FGF18: variants seen among roughly 807,000 people sequenced by gnomAD.
The protein encoded by FGF18 is fibroblast growth factor 18.
In FGF18, 5 loss-of-function variants were observed where a neutral mutation model predicts 23.0. That is an observed-to-expected ratio of 0.22 (90% CI 0.11 to 0.46). The LOEUF (loss-of-function observed/expected upper bound fraction) is 0.46, where lower values mean the gene tolerates loss of function less well. Ranked by LOEUF, FGF18 falls within the 20% of genes least tolerant of loss-of-function variation. FGF18 has a pLI of 0.99. For synonymous variants in FGF18, 117 were observed against 118.9 expected (o/e 0.98, Z 0.10); for missense variants, 180 against 291.6 (o/e 0.62, Z 2.79).
Position 171,434,101 on chromosome 5 carries a change from C to A in FGF18, c.70-1992C>A, listed in dbSNP as rs1056332400. On this transcript the variant is annotated intron_variant, in intron 2 of 4. Transcript: ENST00000274625. The surrounding 1 kb of genome is among the most constrained non-coding windows in gnomAD (Gnocchi z 4.6). ...TTTTGAACCCAGGGCCAGCTCCTGA[C>A]AGCACTGGTGGGGCAGGCAGGGCCC... Among the ~76,000 whole-genome samples the A allele has an allele frequency of 6.6e-6, 1 of 152,214 alleles. No individual in the cohort carries two copies. Among genetic ancestry groups the A allele is most frequent in the African/African-American group, 2.4e-5 (1 of 41,464 alleles).
Position 171,420,188 on chromosome 5 carries a change from T to C in FGF18, c.-12T>C, listed in dbSNP as rs903005843. On this transcript the variant is annotated 5_prime_UTR_variant, in exon 1 of 5. Coordinates refer to ENST00000274625, the MANE Select transcript of FGF18 (RefSeq NM_003862.3). ...GCTGGGCTAGGAGCCGCCGCCTCCCTCCCGCCCAGCGATGTATTCAGCGCC... is the reference window on the plus strand; with the variant it reads ...GCTGGGCTAGGAGCCGCCGCCTCCCCCCCGCCCAGCGATGTATTCAGCGCC... 3 of 1,540,872 alleles carry C rather than the reference T, an allele frequency of 1.9e-6. No individual in the cohort carries two copies. The highest frequency in any genetic ancestry group is 2.7e-5 in the African/African-American group (2 of 72,872).
At chr5:171,424,553 T>C (rs532173997) in intron 2 of FGF18, among the ~76,000 whole-genome samples, 1 of 152,350 alleles carries the variant, frequency 6.6e-6, no homozygotes, top group South Asian at 2.1e-4. Flanking sequence ...CCATAGCAGA[T>C]GGACCTTCTT....
chr5:171,422,085 C>G (rs1387604584), intron 2 of FGF18, among the ~76,000 whole-genome samples: 1 of 152,046 alleles, frequency 6.6e-6, no homozygotes. Flanking sequence ...GCAGGGAGGC[C>G]TGCGGATGTG....
intron 1 of FGF18, 54 bp downstream of exon 1, chr5:171,420,285 C>T: frequency 6.2e-7 from 1 of 1,606,632 alleles, no homozygotes; most frequent in Non-Finnish European, 8.5e-7. Flanking sequence ...GTCCGTATGC[C>T]TGTGCCCTGT....
Position 171,440,222 on chromosome 5 carries a change from G to T in FGF18, c.250+3949G>T, listed in dbSNP as rs780571259. Among the ~76,000 whole-genome samples the T allele has an allele frequency of 8.2e-5, 10 of 122,268 alleles. No homozygotes were observed. The highest frequency in any genetic ancestry group is 1.6e-4 in the Non-Finnish European group (9 of 55,752). The allele number at this position is 122,268 out of a possible 152,430, so 80.2% of individuals were successfully genotyped here. On this transcript the variant is annotated intron_variant, in intron 3 of 4. Transcript: ENST00000274625. The surrounding 1 kb of genome is among the most constrained non-coding windows in gnomAD (Gnocchi z 4.0). ...ACCACCTGACCTCCTTACTATGGGT[G>T]TGTGGGGGGGGGTGGTGCCATCGCG...
intron 3 of FGF18, among the ~76,000 whole-genome samples, chr5:171,439,173 C>T (rs1309367378): frequency 6.6e-6 from 1 of 152,154 alleles, no homozygotes; most frequent in Non-Finnish European, 1.5e-5. Context: ...CTGCCCAGGG[C>T]TCTTGGCCTG....
intron 2 of FGF18, among the ~76,000 whole-genome samples, chr5:171,429,735 G>A (rs72829769): frequency 0.026 from 3,899 of 152,358 alleles, 65 homozygotes; most frequent in Non-Finnish European, 0.036. Context: ...AAGCCTCAAG[G>A]ATCAGAGGAT....
chr5:171,450,973 G>A (rs1242102313), intron 4 of FGF18, among the ~76,000 whole-genome samples: 2 of 151,982 alleles, frequency 1.3e-5, no homozygotes, highest in Non-Finnish European at 2.9e-5. Context: ...CGCCCTCGCC[G>A]TCTGCGTGCT....
At chr5:171,421,609 C>T (rs745956992) in intron 2 of FGF18, among the ~76,000 whole-genome samples, 7 of 152,186 alleles carry the variant, frequency 4.6e-5, no homozygotes, top group Non-Finnish European at 8.8e-5. Flanking sequence ...GTGCCTTGAG[C>T]ACTGCGCGAC....
intron 3 of FGF18, among the ~76,000 whole-genome samples, chr5:171,439,484 C>A (rs568855568): frequency 1.8e-4 from 28 of 152,330 alleles, no homozygotes; most frequent in African/African-American, 6.7e-4. Flanking sequence ...TCAGCCTCCC[C>A]TCTTCTTGCC....
chr5:171,444,593 T>C (rs1480157786), intron 3 of FGF18, among the ~76,000 whole-genome samples: 1 of 113,076 alleles, frequency 8.8e-6, no homozygotes, highest in Non-Finnish European at 1.7e-5. Flanking sequence ...GCTGTGTCAC[T>C]GAGGCTGGGG....
At chr5:171,430,628 A>G (rs1357380353) in intron 2 of FGF18, among the ~76,000 whole-genome samples, 1 of 147,394 alleles carries the variant, frequency 6.8e-6, no homozygotes, top group Non-Finnish European at 1.5e-5. Flanking sequence ...CTCTACTAAA[A>G]ATACAAAAAA....
rs2113349533 is a variant in FGF18 at position 171,440,302 on chromosome 5, C to T, written c.250+4029C>T. On this transcript the variant is annotated intron_variant, in intron 3 of 4. Coordinates refer to ENST00000274625, the MANE Select transcript of FGF18 (RefSeq NM_003862.3). This position sits in a 1 kb window ranked among gnomAD's most constrained non-coding sequence, Gnocchi z 4.0. ...TGGCTCCAGAGGCTTCCAGAAAGGA[C>T]CTGAGGGAAGAAGCGGTACTCCTGT... 6.6e-6 allele frequency among the ~76,000 whole-genome samples: 1 copy of T among 152,048 alleles called. No homozygotes were observed. The highest frequency in any genetic ancestry group is 1.5e-5 in the Non-Finnish European group (1 of 67,996).
At chr5:171,426,126 C>T (rs537542018) in intron 2 of FGF18, among the ~76,000 whole-genome samples, 55 of 152,278 alleles carry the variant, frequency 3.6e-4, no homozygotes, top group African/African-American at 1.2e-3. Flanking sequence ...GAAAAAACAA[C>T]CAAAGAAATC....
chr5:171,447,450 C>T (rs954884868), intron 3 of FGF18, among the ~76,000 whole-genome samples: 2 of 152,190 alleles, frequency 1.3e-5, no homozygotes, highest in African/African-American at 4.8e-5. Flanking sequence ...GCCATCTCAG[C>T]GTTGGTTAAT....
At chr5:171,454,680 G>C (rs576220790) in intron 4 of FGF18, among the ~76,000 whole-genome samples, 1 of 152,338 alleles carries the variant, frequency 6.6e-6, no homozygotes, top group African/African-American at 2.4e-5. Context: ...GCTCCAGCCT[G>C]TTTTCCACTT....
intron 2 of FGF18, among the ~76,000 whole-genome samples, chr5:171,430,618 C>G (rs1772166704): frequency 6.9e-6 from 1 of 144,502 alleles, no homozygotes; most frequent in South Asian, 2.1e-4. Flanking sequence ...GAAACCCCGT[C>G]TCTACTAAAA....
At chr5:171,453,095 G>A (rs777625225) in intron 4 of FGF18, among the ~76,000 whole-genome samples, 1 of 152,216 alleles carries the variant, frequency 6.6e-6, no homozygotes, top group Non-Finnish European at 1.5e-5. Flanking sequence ...ACATACTGAT[G>A]CTTCTGCCTT....
At chr5:171,421,268 C>CG (rs1772002690) in intron 2 of FGF18, among the ~76,000 whole-genome samples, 1 of 151,982 alleles carries the variant, frequency 6.6e-6, no homozygotes, top group Non-Finnish European at 1.5e-5. Context: ...GAGAGAAGAG[C>CG]GAAAAAGGGA....
Sources: gnomAD v4.1 joint callset for allele counts (sites outside exome capture counted in the v4.1 genomes callset) on GRCh38, gnomAD v4.1.1 for gene constraint, Gnocchi (gnomAD v3.1) non-coding constraint, MANE v1.5 for transcripts, NCBI Gene and HGNC (gene_info 2026-07-23, HGNC 2026-07-21) for gene names.